The following SLC24A2 variants were observed in gnomAD, a reference collection of about 807,000 sequenced individuals.
SLC24A2 encodes solute carrier family 24 member 2.
A neutral mutation model predicts 62.0 loss-of-function variants in SLC24A2; 36 were observed. The ratio of observed to expected loss-of-function variants is 0.58; its 90% CI spans 0.44 to 0.77. SLC24A2 has a LOEUF of 0.77. SLC24A2 is among the 30% of genes least tolerant of loss of function. SLC24A2 has a pLI of 0.00. For missense variants in SLC24A2, 846 were observed against 817.9 expected (o/e 1.03, Z -0.42); for synonymous variants, 358 against 294.0 (o/e 1.22, Z -2.23).
At position 19,651,056 on chromosome 9, in the gene SLC24A2, A is replaced by G. The variant is rs148437118; in HGVS notation, c.931-28757T>C. Among the ~76,000 whole-genome samples the G allele has an allele frequency of 7.7e-3, 1,179 of 152,322 alleles. 6 individuals are homozygous for G. The highest frequency in any genetic ancestry group is 0.014 in the Middle Eastern group (4 of 294). On this transcript the variant is annotated intron_variant, in intron 2 of 10. Coordinates refer to ENST00000341998, the MANE Select transcript of SLC24A2 (RefSeq NM_020344.4). ...TATAAAATTTGAAAACTGGAAAATTAGTACCTTTTCAGAAACAAGCTCAGA... is the reference window on the plus strand; with the variant it reads ...TATAAAATTTGAAAACTGGAAAATTGGTACCTTTTCAGAAACAAGCTCAGA...
At chr9:20,014,247 A>G in the SLC24A2 span, among the ~76,000 whole-genome samples, 525 of 152,188 alleles carry the variant, frequency 3.4e-3, 4 homozygotes, top group African/African-American at 0.012. Flanking sequence ...GTTGGAGTAG[A>G]TGCAGAGAAA....
chr9:20,303,457 C>T, the SLC24A2 span, among the ~76,000 whole-genome samples: 44 of 152,266 alleles, frequency 2.9e-4, no homozygotes, highest in African/African-American at 9.4e-4. Context: ...CATTTTAAAT[C>T]CCACAAGTCT....
chr9:19,644,783 A>T (rs2118108142), intron 2 of SLC24A2, among the ~76,000 whole-genome samples: 1 of 152,276 alleles, frequency 6.6e-6, no homozygotes, highest in African/African-American at 2.4e-5. Context: ...ATACTTGTAA[A>T]TATCAGAAAA....
the SLC24A2 span, among the ~76,000 whole-genome samples, chr9:20,304,541 T>C: frequency 6.6e-6 from 1 of 152,330 alleles, no homozygotes; most frequent in Admixed American, 6.5e-5. Flanking sequence ...GTTTGGAAAG[T>C]TTCAATCACA....
At chr9:19,623,156 C>T (rs897720551) in intron 2 of SLC24A2, among the ~76,000 whole-genome samples, 13 of 152,202 alleles carry the variant, frequency 8.5e-5, no homozygotes, top group African/African-American at 3.1e-4. Context: ...CCTTCTTCGC[C>T]AGAACCGGGG....
the SLC24A2 span, among the ~76,000 whole-genome samples, chr9:20,132,262 A>G: frequency 2.0e-5 from 3 of 152,024 alleles, no homozygotes; most frequent in Non-Finnish European, 4.4e-5. Context: ...AAATCAGCAC[A>G]CCCATTGGAA....
At chr9:19,699,918 G>A (rs927434769) in intron 2 of SLC24A2, among the ~76,000 whole-genome samples, 6 of 152,086 alleles carry the variant, frequency 3.9e-5, no homozygotes, top group Admixed American at 3.3e-4. Flanking sequence ...TAGGACACAC[G>A]GGTGCACTAG....
At chr9:19,591,665 G>C (rs1836556191) in intron 5 of SLC24A2, among the ~76,000 whole-genome samples, 2 of 152,192 alleles carry the variant, frequency 1.3e-5, no homozygotes, top group African/African-American at 4.8e-5. Flanking sequence ...TGGACCATGA[G>C]GTGCCCTTGA....
intron 9 of SLC24A2, among the ~76,000 whole-genome samples, chr9:19,524,702 A>T (rs557240810): frequency 4.6e-5 from 7 of 152,212 alleles, no homozygotes; most frequent in African/African-American, 1.4e-4. Flanking sequence ...TCTTCCATCA[A>T]TGAAAAGTAA....
At chr9:20,210,265 G>C in the SLC24A2 span, among the ~76,000 whole-genome samples, 2 of 152,190 alleles carry the variant, frequency 1.3e-5, no homozygotes, top group African/African-American at 4.8e-5. Context: ...TGGCCTCCCA[G>C]AGTTACAGCT....
chr9:19,986,115 G>A, the SLC24A2 span, among the ~76,000 whole-genome samples: 1 of 151,952 alleles, frequency 6.6e-6, no homozygotes, highest in South Asian at 2.1e-4. Flanking sequence ...TTAAAAATAG[G>A]CAAAGGACTT....
At chr9:19,966,989 T>A in the SLC24A2 span, among the ~76,000 whole-genome samples, 1 of 152,158 alleles carries the variant, frequency 6.6e-6, no homozygotes, top group East Asian at 1.9e-4. Flanking sequence ...AGGTGTTTGA[T>A]CTTTTCTGCT....
chr9:19,942,848 T>C, the SLC24A2 span, among the ~76,000 whole-genome samples: 1 of 152,154 alleles, frequency 6.6e-6, no homozygotes, highest in Non-Finnish European at 1.5e-5. Context: ...TTGTGTAGCC[T>C]ACAGGCGCCG....
chr9:20,002,962 G>A, the SLC24A2 span, among the ~76,000 whole-genome samples: 1 of 152,156 alleles, frequency 6.6e-6, no homozygotes, highest in Non-Finnish European at 1.5e-5. Flanking sequence ...ATGGCTCTGT[G>A]CTTGGTTTAA....
At chr9:20,200,699 G>A in the SLC24A2 span, among the ~76,000 whole-genome samples, 1 of 152,206 alleles carries the variant, frequency 6.6e-6, no homozygotes, top group South Asian at 2.1e-4. Context: ...TTAGCTTCAT[G>A]GTAAATTGGC....
At chr9:19,776,299 T>C (rs557802691) in intron 2 of SLC24A2, among the ~76,000 whole-genome samples, 2 of 152,346 alleles carry the variant, frequency 1.3e-5, no homozygotes, top group East Asian at 3.9e-4. Flanking sequence ...AGGCTCAAGT[T>C]CAAACGCCAT....
chr9:19,956,307 G>A, the SLC24A2 span, among the ~76,000 whole-genome samples: 8 of 152,318 alleles, frequency 5.3e-5, no homozygotes, highest in Non-Finnish European at 1.2e-4. Context: ...CAATGATAGC[G>A]CTACAGGCAT....
intron 2 of SLC24A2, among the ~76,000 whole-genome samples, chr9:19,762,229 T>C (rs559157808): frequency 6.6e-6 from 1 of 152,350 alleles, no homozygotes; most frequent in South Asian, 2.1e-4. Flanking sequence ...GATTAATAGA[T>C]GGCAAACATT....
the SLC24A2 span, among the ~76,000 whole-genome samples, chr9:20,296,820 TA>T: frequency 6.6e-6 from 1 of 152,338 alleles, no homozygotes; most frequent in African/African-American, 2.4e-5. Context: ...TCTTCATGTA[TA>T]CAGTTCATAA....
Sources: gnomAD v4.1 joint callset for allele counts (sites outside exome capture counted in the v4.1 genomes callset) on GRCh38, gnomAD v4.1.1 for gene constraint, MANE v1.5 for transcripts, NCBI Gene and HGNC (gene_info 2026-07-23, HGNC 2026-07-21) for gene names.